The following IFT122 variants were observed in gnomAD, a reference collection of about 807,000 sequenced individuals.
The protein encoded by IFT122 is intraflagellar transport 122.
In IFT122, 118 loss-of-function variants were observed where a neutral mutation model predicts 161.6. The observed-to-expected ratio is 0.73, with a 90% CI of 0.63 to 0.85. The LOEUF is 0.85. Ranked by LOEUF, IFT122 falls within the 40% of genes least tolerant of loss-of-function variation. IFT122 has a pLI of 0.00. For synonymous variants in IFT122, 550 were observed against 602.4 expected, an observed-to-expected ratio of 0.91 and a Z score of 1.27; for missense variants, 1,381 against 1,579.6, an observed-to-expected ratio of 0.87 and a Z score of 2.13.
At chr3:129,488,086 G>A in intron 15 of IFT122, 171 bp from the exon 16 acceptor site, 1 of 971,292 alleles carries the variant, frequency 1.0e-6, no homozygotes, top group Non-Finnish European at 1.6e-6. Context: ...GCAGGATGGA[G>A]CACACAGGGT....
intron 7 of IFT122, among the ~76,000 whole-genome samples, chr3:129,465,945 T>C: frequency 6.6e-6 from 1 of 151,728 alleles, no homozygotes; most frequent in South Asian, 2.1e-4. Flanking sequence ...CACGCCTGGC[T>C]AATTTTTTGT....
intron 26 of IFT122, 145 bp from the exon 27 acceptor site, chr3:129,517,324 T>A (rs903700395): frequency 2.3e-6 from 2 of 855,620 alleles, no homozygotes; most frequent in Non-Finnish European, 3.6e-6. Flanking sequence ...TGCACACACA[T>A]ACAGAGACTG....
intron 4 of IFT122, chr3:129,459,304 T>C (rs1376856034): frequency 6.6e-6 from 3 of 451,892 alleles, no homozygotes; most frequent in South Asian, 4.7e-5. Flanking sequence ...TTTTGTTTTG[T>C]TTTGAGACAG....
At chr3:129,444,201 A>G (rs2073662017) in intron 1 of IFT122, among the ~76,000 whole-genome samples, 1 of 152,124 alleles carries the variant, frequency 6.6e-6, no homozygotes, top group Non-Finnish European at 1.5e-5. Context: ...CGTCCCCCCT[A>G]CTTTTTATTC....
At chr3:129,447,040 T>C (rs533170603) in intron 1 of IFT122, among the ~76,000 whole-genome samples, 2 of 152,362 alleles carry the variant, frequency 1.3e-5, no homozygotes, top group East Asian at 3.9e-4. Context: ...AGCCCATTTT[T>C]CTAGCCTCAT....
intron 29 of IFT122, among the ~76,000 whole-genome samples, chr3:129,519,960 A>G (rs1380929252): frequency 6.6e-6 from 1 of 152,122 alleles, no homozygotes; most frequent in Non-Finnish European, 1.5e-5. Context: ...GGGCCCAGCA[A>G]GCGTGATGTG....
At chr3:129,473,289 G>A (rs185087194) in intron 9 of IFT122, among the ~76,000 whole-genome samples, 15 of 152,306 alleles carry the variant, frequency 9.8e-5, no homozygotes, top group Non-Finnish European at 1.5e-4. Flanking sequence ...AGCAAGACCT[G>A]TGCCCAAAAA....
intron 3 of IFT122, among the ~76,000 whole-genome samples, chr3:129,454,513 TTGTGTGTG>T (rs61557048): frequency 9.6e-4 from 126 of 131,278 alleles, no homozygotes; most frequent in South Asian, 1.9e-3. Flanking sequence ...GTAGTCATAT[TTGTGTGTG>T]TGTGTGTGTG....
intron 7 of IFT122, 72 bp downstream of exon 7, chr3:129,464,853 T>C: frequency 6.6e-7 from 1 of 1,523,932 alleles, no homozygotes; most frequent in Non-Finnish European, 9.1e-7. Flanking sequence ...TCCTGAGGTC[T>C]CCCTACATTC....
intron 23 of IFT122, among the ~76,000 whole-genome samples, chr3:129,510,605 T>A (rs981175058): frequency 6.6e-6 from 1 of 152,122 alleles, no homozygotes; most frequent in Non-Finnish European, 1.5e-5. Context: ...GGCTCTCAGC[T>A]CCTTCCCTCA....
At chr3:129,495,376 C>A (rs1334217144) in intron 17 of IFT122, 70 bp from the exon 18 acceptor site, 3 of 1,587,642 alleles carry the variant, frequency 1.9e-6, no homozygotes, top group African/African-American at 1.3e-5. Context: ...ATAGCCACAT[C>A]TAACCTTTGT....
intron 1 of IFT122, among the ~76,000 whole-genome samples, chr3:129,449,239 A>G (rs1374277973): frequency 6.6e-6 from 1 of 152,210 alleles, no homozygotes; most frequent in East Asian, 1.9e-4. Context: ...CATCCAATCT[A>G]ATAGGTCATT....
At chr3:129,498,649 A>AG (rs1489661581) in intron 18 of IFT122, among the ~76,000 whole-genome samples, 1 of 152,194 alleles carries the variant, frequency 6.6e-6, no homozygotes, top group Non-Finnish European at 1.5e-5. Context: ...AAAGCAAATG[A>AG]GGGAAAAAAG....
At chr3:129,482,839 C>T (rs560176500) in intron 14 of IFT122, among the ~76,000 whole-genome samples, 12 of 152,320 alleles carry the variant, frequency 7.9e-5, no homozygotes, top group African/African-American at 2.9e-4. Flanking sequence ...CAGTGCCTAG[C>T]TCAGTGTTGA....
At chr3:129,501,802 G>A (rs1294694681) in intron 19 of IFT122, among the ~76,000 whole-genome samples, 2 of 152,172 alleles carry the variant, frequency 1.3e-5, no homozygotes, top group Non-Finnish European at 1.5e-5. Flanking sequence ...CCCTAAAAAC[G>A]TGTCCTTTTT....
intron 27 of IFT122, 30 bp downstream of exon 27, chr3:129,517,624 G>T: frequency 3.1e-6 from 5 of 1,608,150 alleles, no homozygotes; most frequent in South Asian, 1.1e-5. Context: ...GAGCCTGTGT[G>T]TGCGGCTGTG....
intron 1 of IFT122, among the ~76,000 whole-genome samples, chr3:129,448,430 C>T (rs2074309774): frequency 6.6e-6 from 1 of 152,164 alleles, no homozygotes; most frequent in Non-Finnish European, 1.5e-5. Flanking sequence ...GCATAACTTT[C>T]GAAAAACTGG....
In IFT122 at chr3:129,449,872, A is replaced by G. The variant is rs2074541148; in HGVS notation, c.43A>G (p.Ile15Val). 6.2e-7 allele frequency: 1 copy of G among 1,609,970 alleles called. No homozygotes were observed. Among genetic ancestry groups the G allele is most frequent in the Non-Finnish European group, 8.5e-7 (1 of 1,176,214 alleles). The change falls in exon 2 of 30, where the codon ATA becomes GTA. Residue 15 changes from isoleucine (I) to valine (V), a missense_variant and splice_region_variant. Ile to Val is a conservative substitution (Grantham distance 29, BLOSUM62 3). Transcript: ENST00000348417. ...CTTTTTCCCTTGTCTTCTGTTCAGT[A>G]TAAATGACATCGCATTTAAGCCTGA... ...LTWRDKAEHC[I>V]NDIAFKPDGT...
intron 15 of IFT122, among the ~76,000 whole-genome samples, chr3:129,485,636 A>G (rs2079185172): frequency 6.6e-6 from 1 of 152,210 alleles, no homozygotes. Flanking sequence ...AGCTCTGCTT[A>G]TTTTATTAAA....
Sources: allele counts gnomAD v4.1 joint callset (sites outside exome capture counted in the v4.1 genomes callset), GRCh38; gene constraint gnomAD v4.1.1; transcripts MANE v1.5; gene names NCBI Gene and HGNC (gene_info 2026-07-23, HGNC 2026-07-21).